The following IAH1 variants were observed in gnomAD, a reference collection of about 807,000 sequenced individuals.
IAH1 encodes isoamyl acetate-hydrolyzing esterase 1 homolog.
Under a neutral mutation model 26.7 loss-of-function variants are expected in IAH1, and 24 were observed. The ratio of observed to expected loss-of-function variants is 0.90; its 90% CI spans 0.65 to 1.26. The LOEUF is 1.26. IAH1 is among the 50% of genes most tolerant of loss of function. IAH1 has a pLI of 0.00. For synonymous variants in IAH1, 140 were observed against 118.5 expected (o/e 1.18, Z -1.18); for missense variants, 300 against 299.9 (o/e 1.00, Z 0.00).
At chr2:9,509,872 A>T in the IAH1 span, 2 of 1,415,334 alleles carry the variant, frequency 1.4e-6, no homozygotes, top group Non-Finnish European at 1.9e-6. Flanking sequence ...TTGCACATCC[A>T]TCCCTAGGGA....
chr2:9,511,700 GT>G, the IAH1 span, among the ~76,000 whole-genome samples: 1 of 152,162 alleles, frequency 6.6e-6, no homozygotes, highest in Non-Finnish European at 1.5e-5. Context: ...GCCAGGCACA[GT>G]GGCTCACGCC....
chr2:9,484,053 T>G (rs1661338193), intron 4 of IAH1, among the ~76,000 whole-genome samples: 1 of 152,178 alleles, frequency 6.6e-6, no homozygotes, highest in African/African-American at 2.4e-5. Context: ...GGCCTGGCAT[T>G]TCCTACTAGT....
At chr2:9,497,248 C>T (rs542316178), downstream of IAH1, 6 of 1,613,880 alleles carry the variant, frequency 3.7e-6, no homozygotes, top group Non-Finnish European at 4.2e-6. Context: ...ACTGCTATTA[C>T]CTGGAAGCAA....
At chr2:9,491,049 A>T, downstream of IAH1, 1 of 1,533,942 alleles carries the variant, frequency 6.5e-7, no homozygotes, top group South Asian at 1.2e-5. Context: ...TCTTTGCCTA[A>T]CAGGGCCTCA....
chr2:9,484,690 G>T (rs79140015), intron 5 of IAH1, 140 bp downstream of exon 5: 7 of 610,624 alleles, frequency 1.1e-5, no homozygotes, highest in Admixed American at 2.9e-5. Flanking sequence ...AAACAGGCTT[G>T]GGGGAGGGGA....
At chr2:9,497,266 TC>T (rs768047017), downstream of IAH1, 1 of 1,613,368 alleles carries the variant, frequency 6.2e-7, no homozygotes. Context: ...CAAACACCAG[TC>T]ATAACAAAAA....
At chr2:9,491,972 G>T (rs1461327322), downstream of IAH1, among the ~76,000 whole-genome samples, 1 of 152,226 alleles carries the variant, frequency 6.6e-6, no homozygotes, top group Admixed American at 6.5e-5. Context: ...AAAGCTTCAA[G>T]CACGTCACCT....
chr2:9,475,777 A>G, intron 1 of IAH1: 1 of 600,638 alleles, frequency 1.7e-6, no homozygotes, highest in Non-Finnish European at 3.0e-6. Context: ...CTGGGAATAC[A>G]GGCTGTTTAG....
chr2:9,494,909 G>C, intron 6 of IAH1: 1 of 987,616 alleles, frequency 1.0e-6, no homozygotes, highest in Non-Finnish European at 1.4e-6. Context: ...ACTATCCATA[G>C]CCCCCACCAA....
chr2:9,509,153 A>G, the IAH1 span, among the ~76,000 whole-genome samples: 6 of 152,338 alleles, frequency 3.9e-5, no homozygotes, highest in South Asian at 1.2e-3. Context: ...AATAGGAGTC[A>G]GGACAAATAC....
chr2:9,499,923 A>G (rs948751832), downstream of IAH1, among the ~76,000 whole-genome samples: 8 of 152,198 alleles, frequency 5.3e-5, no homozygotes, highest in African/African-American at 1.7e-4. Flanking sequence ...GTTGGTGAGG[A>G]TATGGAGAAG....
At chr2:9,501,402 C>T (rs1259553372), downstream of IAH1, among the ~76,000 whole-genome samples, 1 of 152,152 alleles carries the variant, frequency 6.6e-6, no homozygotes, top group Non-Finnish European at 1.5e-5. Flanking sequence ...CACATCCTGC[C>T]TCTGTGACTA....
At chr2:9,502,396 A>G in the IAH1 span, 98 of 760,288 alleles carry the variant, frequency 1.3e-4, no homozygotes, top group South Asian at 1.5e-3. Flanking sequence ...TGGCTCCGTC[A>G]CCCACTCCTA....
chr2:9,494,724 G>C, downstream of IAH1: 13 of 1,614,064 alleles, frequency 8.1e-6, no homozygotes, highest in Non-Finnish European at 1.1e-5. Context: ...GCACACAGCG[G>C]CCAGAAAGGT....
chr2:9,499,488 G>A (rs369846038), downstream of IAH1, among the ~76,000 whole-genome samples: 42 of 151,966 alleles, frequency 2.8e-4, 1 homozygote, highest in South Asian at 8.1e-3. Context: ...TGCAAGCTCC[G>A]CCTCCCGGGT....
the IAH1 span, among the ~76,000 whole-genome samples, chr2:9,502,911 C>T: frequency 7.6e-6 from 1 of 132,268 alleles, no homozygotes; most frequent in African/African-American, 3.0e-5. Context: ...AAAGATGAGG[C>T]AGGTGGACCA....
the IAH1 span, chr2:9,505,020 G>T: frequency 1.1e-6 from 1 of 891,272 alleles, no homozygotes; most frequent in Non-Finnish European, 1.7e-6. Context: ...GCAATTTCTT[G>T]CTGTGAAGGG....
intron 2 of IAH1, among the ~76,000 whole-genome samples, chr2:9,476,720 G>C (rs1012697615): frequency 3.9e-5 from 6 of 152,220 alleles, no homozygotes; most frequent in African/African-American, 1.4e-4. Flanking sequence ...TCATTGTCCA[G>C]GGGAGGAATG....
At chr2:9,493,910 G>A (rs1442265408), downstream of IAH1, 1 of 1,129,510 alleles carries the variant, frequency 8.9e-7, no homozygotes, top group Non-Finnish European at 1.3e-6. Context: ...TAACTGACAT[G>A]TAAAGGGCTT....
Sources: gnomAD v4.1 joint callset for allele counts (sites outside exome capture counted in the v4.1 genomes callset) on GRCh38, gnomAD v4.1.1 for gene constraint, MANE v1.5 for transcripts, NCBI Gene and HGNC (gene_info 2026-07-23, HGNC 2026-07-21) for gene names.